The following PRKD1 variants were observed in gnomAD, a reference collection of about 807,000 sequenced individuals.
PRKD1 encodes protein kinase D1, also known as serine/threonine-protein kinase D1.
A neutral mutation model predicts 95.9 loss-of-function variants in PRKD1; 63 were observed. The observed-to-expected ratio is 0.66, with a 90% CI of 0.54 to 0.81. The LOEUF (loss-of-function observed/expected upper bound fraction) is 0.81. PRKD1 is among the 30% of genes least tolerant of loss of function. The pLI is 0.00. For synonymous variants in PRKD1, 425 were observed against 423.1 expected (o/e 1.00, Z -0.05); for missense variants, 1,048 against 1,165.3 (o/e 0.90, Z 1.47).
chr14:29,767,985 G>C (rs1363109065), intron 1 of PRKD1, among the ~76,000 whole-genome samples: 1 of 152,106 alleles, frequency 6.6e-6, no homozygotes, highest in Non-Finnish European at 1.5e-5. Context: ...TTTTATAACA[G>C]AGCAAACAAG....
In PRKD1 at chr14:29,835,566, A is replaced by C. The variant is rs150187279; in HGVS notation, c.264+91683T>G. On this transcript the variant is annotated intron_variant, in intron 1 of 17. Coordinates refer to ENST00000331968, the MANE Select transcript of PRKD1 (RefSeq NM_002742.3). ...TTTTGAACAAATTACTCTTTTCTTT[A>C]TTTATTTATTTATTTATTTTTTGAG... Among the ~76,000 whole-genome samples, 432 of 151,756 alleles carry C rather than the reference A, an allele frequency of 2.8e-3. 5 individuals are homozygous for C. Among genetic ancestry groups the C allele is most frequent in the African/African-American group, 4.1e-3 (169 of 41,382 alleles).
chr14:29,632,817 C>A, intron 9 of PRKD1, 52 bp downstream of exon 9: 1 of 1,486,812 alleles, frequency 6.7e-7, no homozygotes, highest in Non-Finnish European at 9.4e-7. Flanking sequence ...TCTACATTCC[C>A]ATGAAAAAGC....
chr14:29,808,546 C>T lies in PRKD1; in HGVS notation c.265-82872G>A, dbSNP rs576572727. Among the ~76,000 whole-genome samples the T allele has an allele frequency of 4.0e-5, 6 of 151,290 alleles. No homozygotes were observed. The South Asian group carries it at 1.3e-3, about 32-fold the overall frequency. On this transcript the variant is annotated intron_variant, in intron 1 of 17. Coordinates refer to ENST00000331968, the MANE Select transcript of PRKD1 (RefSeq NM_002742.3). ...TCCCAAGTAGCTGGGATTACAGGCA[C>T]CTGCCACCACACTCAGCTAATTTTT... is the stretch of plus-strand genomic sequence containing the variant.
chr14:29,656,225 A>C (rs1488952601), intron 4 of PRKD1, among the ~76,000 whole-genome samples: 1 of 152,260 alleles, frequency 6.6e-6, no homozygotes. Flanking sequence ...GACCTGAAAA[A>C]CCTAATTCTA....
intron 1 of PRKD1, among the ~76,000 whole-genome samples, chr14:29,789,265 T>C (rs1341088714): frequency 1.3e-5 from 2 of 152,340 alleles, no homozygotes; most frequent in South Asian, 2.1e-4. Flanking sequence ...GTATCTGTTA[T>C]GGAAAAATTA....
intron 13 of PRKD1, among the ~76,000 whole-genome samples, chr14:29,606,959 T>G (rs1473557791): frequency 6.6e-6 from 1 of 152,190 alleles, no homozygotes; most frequent in Non-Finnish European, 1.5e-5. Flanking sequence ...GCTTCTGCCT[T>G]CAGGTGAGTT....
At chr14:29,911,580 G>GA (rs1391282053) in intron 1 of PRKD1, among the ~76,000 whole-genome samples, 1 of 152,062 alleles carries the variant, frequency 6.6e-6, no homozygotes, top group Non-Finnish European at 1.5e-5. Flanking sequence ...TTTGCTTACA[G>GA]AAAAAAATAA....
At chr14:29,719,891 T>C (rs1159252433) in intron 2 of PRKD1, among the ~76,000 whole-genome samples, 1 of 149,316 alleles carries the variant, frequency 6.7e-6, no homozygotes, top group Non-Finnish European at 1.5e-5. Context: ...ACTCACCAGA[T>C]GCTCAGAGAG....
At chr14:29,893,617 T>C (rs905789787) in intron 1 of PRKD1, among the ~76,000 whole-genome samples, 6 of 152,214 alleles carry the variant, frequency 3.9e-5, no homozygotes, top group African/African-American at 1.2e-4. Context: ...CTTTCAACTT[T>C]AATATTAAAA....
intron 9 of PRKD1, 62 bp downstream of exon 9, chr14:29,632,807 T>C: frequency 7.0e-7 from 1 of 1,434,110 alleles, no homozygotes; most frequent in South Asian, 1.2e-5. Context: ...TTTCTTATAC[T>C]CTACATTCCC....
chr14:29,626,340 T>C, intron 12 of PRKD1, 144 bp downstream of exon 12: 1 of 672,176 alleles, frequency 1.5e-6, no homozygotes, highest in Non-Finnish European at 2.4e-6. Flanking sequence ...AAAAAATTTT[T>C]TAAACGCAGA....
chr14:29,707,638 T>G (rs537832920), intron 2 of PRKD1, among the ~76,000 whole-genome samples: 18 of 152,210 alleles, frequency 1.2e-4, no homozygotes, highest in Non-Finnish European at 2.6e-4. Context: ...TCTTCCCTGA[T>G]GCAACCAAAG....
At chr14:29,920,464 C>T (rs957893354) in intron 1 of PRKD1, among the ~76,000 whole-genome samples, 4 of 152,010 alleles carry the variant, frequency 2.6e-5, no homozygotes, top group Admixed American at 2.0e-4. Context: ...CTTCATGTTA[C>T]CATCAACACC....
At chr14:29,922,130 T>C (rs1895136591) in intron 1 of PRKD1, among the ~76,000 whole-genome samples, 1 of 151,780 alleles carries the variant, frequency 6.6e-6, no homozygotes, top group Non-Finnish European at 1.5e-5. Context: ...TGAAACCCCA[T>C]CTCTACTAAA....
intron 4 of PRKD1, among the ~76,000 whole-genome samples, chr14:29,640,524 A>T (rs940592658): frequency 6.6e-6 from 1 of 152,228 alleles, no homozygotes; most frequent in Non-Finnish European, 1.5e-5. Flanking sequence ...ATTATTCTGG[A>T]AAGGTTCAAC....
At chr14:29,676,177 G>GGTTTTTTTTTTTTTTTTTTTTTTTTTTT (rs1555334424) in intron 2 of PRKD1, among the ~76,000 whole-genome samples, 2 of 104,762 alleles carry the variant, frequency 1.9e-5, no homozygotes, top group Admixed American at 1.0e-4. Flanking sequence ...AGTTCATTAC[G>GGTTTTTTTTTTTTTTTTTTTTTTTTTTT]TTTTTGTTTT....
chr14:29,677,671 G>T (rs1883310757), intron 2 of PRKD1, among the ~76,000 whole-genome samples: 1 of 152,178 alleles, frequency 6.6e-6, no homozygotes, highest in Admixed American at 6.5e-5. Context: ...CGCTTCCCAG[G>T]TTAAGTGATT....
intron 1 of PRKD1, among the ~76,000 whole-genome samples, chr14:29,899,853 G>A (rs1894261429): frequency 6.6e-6 from 1 of 152,190 alleles, no homozygotes; most frequent in South Asian, 2.1e-4. Context: ...TAATCCCCAT[G>A]TGTTGGGAGA....
intron 2 of PRKD1, among the ~76,000 whole-genome samples, chr14:29,683,240 A>C (rs1294387216): frequency 6.6e-6 from 1 of 152,180 alleles, no homozygotes; most frequent in Non-Finnish European, 1.5e-5. Context: ...ACTAAATGCA[A>C]GCTATAGACT....
Sources: gnomAD v4.1 joint callset for allele counts (sites outside exome capture counted in the v4.1 genomes callset) on GRCh38, gnomAD v4.1.1 for gene constraint, MANE v1.5 for transcripts, NCBI Gene and HGNC (gene_info 2026-07-23, HGNC 2026-07-21) for gene names.